The following VPS13D variants were observed in gnomAD, a reference collection of about 807,000 sequenced individuals.
VPS13D encodes vacuolar protein sorting 13 homolog D.
Under a neutral mutation model 461.9 loss-of-function variants are expected in VPS13D, and 187 were observed. That is an observed-to-expected ratio of 0.40 (90% confidence interval 0.36 to 0.46). VPS13D has a LOEUF of 0.46. Among genes scored for constraint, VPS13D ranks in the 20% least tolerant of loss-of-function variants. VPS13D has a pLI of 0.60. For synonymous variants in VPS13D, 1,951 were observed against 1,986.3 expected (o/e 0.98, Z 0.47); for missense variants, 4,711 against 5,364.9 (o/e 0.88, Z 3.81).
chr1:12,508,737 G>A (rs1272836782), intron 69 of VPS13D, among the ~76,000 whole-genome samples, 156 bp from the exon 70 acceptor site: 1 of 151,798 alleles, frequency 6.6e-6, no homozygotes, highest in African/African-American at 2.4e-5. Flanking sequence ...ACTTGTGAGT[G>A]CGAGTGAAGC....
chr1:12,464,111 C>T (rs1356553834), intron 67 of VPS13D, among the ~76,000 whole-genome samples: 3 of 152,160 alleles, frequency 2.0e-5, no homozygotes, highest in African/African-American at 2.4e-5. Context: ...ACACTATCAC[C>T]GAGGGATAAA....
intron 65 of VPS13D, among the ~76,000 whole-genome samples, chr1:12,447,262 T>C (rs1645204514): frequency 6.6e-6 from 1 of 152,214 alleles, no homozygotes; most frequent in Admixed American, 6.5e-5. Context: ...GCAAAAGTCA[T>C]GGTTGGGTTA....
At chr1:12,235,671 C>T (rs572258901) in intron 2 of VPS13D, among the ~76,000 whole-genome samples, 13 of 152,304 alleles carry the variant, frequency 8.5e-5, no homozygotes, top group South Asian at 4.1e-4. Flanking sequence ...GTCATGGTCA[C>T]GCCTCCCCAC....
At chr1:12,334,784 A>G (rs1016557424) in intron 38 of VPS13D, among the ~76,000 whole-genome samples, 3 of 152,162 alleles carry the variant, frequency 2.0e-5, no homozygotes, top group Non-Finnish European at 4.4e-5. Context: ...AACCAAACAA[A>G]AAATCTTCCA....
chr1:12,350,712 A>C (rs1319348097), intron 46 of VPS13D, among the ~76,000 whole-genome samples: 4 of 152,216 alleles, frequency 2.6e-5, no homozygotes, highest in African/African-American at 9.6e-5. Context: ...AAAAGGAAAC[A>C]ATAAAAATAT....
rs1641346768 is a variant in VPS13D at position 12,268,687 on chromosome 1, T to C, written c.1802-19T>C. 1 of 1,610,356 alleles carries C rather than the reference T, an allele frequency of 6.2e-7. No homozygotes were observed. The highest frequency in any genetic ancestry group is 1.7e-5 in the Admixed American group (1 of 58,820). ...GTTTTTGCCTTGTTCCGTGTTCTTA[T>C]TCCTGTTCTTTCCTTTAGCTGCAGA... On this transcript the variant is annotated intron_variant, in intron 15 of 69. Coordinates refer to ENST00000620676, the MANE Select transcript of VPS13D (RefSeq NM_015378.4).
At chr1:12,305,418 G>T (rs1039009911) in intron 26 of VPS13D, among the ~76,000 whole-genome samples, 1 of 152,054 alleles carries the variant, frequency 6.6e-6, no homozygotes, top group African/African-American at 2.4e-5. Flanking sequence ...GGGACTACAG[G>T]CATGTGTCAT....
At chr1:12,353,111 A>C (rs1413115321) in intron 46 of VPS13D, among the ~76,000 whole-genome samples, 1 of 152,006 alleles carries the variant, frequency 6.6e-6, no homozygotes, top group Non-Finnish European at 1.5e-5. Context: ...CCAATTGGCT[A>C]TCAAGAGGAT....
In VPS13D at chr1:12,368,608, A is replaced by G; in HGVS notation, c.10572+17A>G. On this transcript the variant is annotated intron_variant, in intron 53 of 69. Transcript: ENST00000620676. ...TTTTCTAAGGTATCAAGTGGAGCTG[A>G]GAGCCAGTTTGACTGTTTCATGTGT... 6.2e-7 allele frequency: 1 copy of G among 1,608,120 alleles called. No homozygotes were observed. The highest frequency in any genetic ancestry group is 8.5e-7 in the Non-Finnish European group (1 of 1,176,928).
At chr1:12,418,279 C>T (rs1269830861) in intron 65 of VPS13D, among the ~76,000 whole-genome samples, 1 of 152,210 alleles carries the variant, frequency 6.6e-6, no homozygotes, top group East Asian at 1.9e-4. Context: ...AAAGTCTGAA[C>T]TAGCGTGTAC....
chr1:12,497,484 C>G lies in VPS13D; in HGVS notation c.12663-16C>G. Reference sequence around the variant, plus strand: ...CACACTTAACCTCTTGGCTTTATGTCCATTTACCCATCTAGGACTCAAGCA... The same window carrying G: ...CACACTTAACCTCTTGGCTTTATGTGCATTTACCCATCTAGGACTCAAGCA... On this transcript the variant is annotated splice_polypyrimidine_tract_variant and intron_variant, in intron 67 of 69. Coordinates refer to ENST00000620676, the MANE Select transcript of VPS13D (RefSeq NM_015378.4). 6.2e-7 allele frequency: 1 copy of G among 1,605,728 alleles called. No homozygotes were observed. Among genetic ancestry groups the G allele is most frequent in the Non-Finnish European group, 8.5e-7 (1 of 1,175,724 alleles).
rs145587552 is a variant in VPS13D at position 12,498,399 on chromosome 1, C to T, written c.12794+768C>T. On this transcript the variant is annotated intron_variant, in intron 68 of 69. Transcript: ENST00000620676. ...TGGGTGGAGGAATGTCTGAAATAGA[C>T]GTCAACTGTCAGGATAGTCTTCAGA... is the stretch of plus-strand genomic sequence containing the variant. 2.2e-3 allele frequency among the ~76,000 whole-genome samples: 332 copies of T among 152,188 alleles called. 2 individuals carry two copies. Among genetic ancestry groups the T allele is most frequent in the African/African-American group, 7.6e-3 (315 of 41,536 alleles).
Position 12,285,990 on chromosome 1 carries a change from T to TTCCTCTCCTC in VPS13D, c.5635-2207_5635-2198dup, listed in dbSNP as rs1332549731. On this transcript the variant is annotated intron_variant, in intron 21 of 69. Transcript: ENST00000620676. ...TTCCTTTCCTTTCCTTTCCTTTCCT[T>TTCCTCTCCTC]TCCTCTCCTCTCCTCTCCTCTCCTC... is the stretch of plus-strand genomic sequence containing the variant. 3.3e-3 allele frequency among the ~76,000 whole-genome samples: 162 copies of TTCCTCTCCTC among 49,462 alleles called. 3 individuals are homozygous for TTCCTCTCCTC. The highest frequency in any genetic ancestry group is 5.1e-3 in the African/African-American group (65 of 12,840). The allele number at this position is 49,462 out of a possible 152,430, so 32.4% of individuals were successfully genotyped here.
At chr1:12,497,728 A>G in intron 68 of VPS13D, 97 bp downstream of exon 68, 2 of 1,414,748 alleles carry the variant, frequency 1.4e-6, no homozygotes, top group Non-Finnish European at 1.9e-6. Flanking sequence ...TATTTTCATG[A>G]CTCTTGGACC....
chr1:12,261,820 A>G (rs1641117954), intron 12 of VPS13D, 81 bp from the exon 13 acceptor site: 4 of 1,213,528 alleles, frequency 3.3e-6, no homozygotes, highest in Admixed American at 2.3e-5. Flanking sequence ...TAACATCATC[A>G]TAACTGTGAT....
rs770801713 is a variant in VPS13D, at chr1:12,279,601, G to C, written c.4553G>C (p.Gly1518Ala). Reference protein sequence around the residue: ...LTFSLSPDDLGTSSIMKIEGK... With the variant: ...LTFSLSPDDLATSSIMKIEGK... ...TTTTCTCTTAGCCCAGATGACCTGG[G>C]AACTTCTAGCATCATGAAGATTGAA... is the stretch of plus-strand genomic sequence containing the variant. The change falls in exon 20 of 70, where the codon GGA becomes GCA. Residue 1518 changes from glycine (G) to alanine (A), a missense_variant. Physicochemically the swap from Gly to Ala is moderately conservative, Grantham distance 60 (BLOSUM62 0). Around this residue, in one of 3 missense-constraint regions of VPS13D, gnomAD observed 4,411 missense variants for 4,937.8 expected, o/e 0.89. Transcript: ENST00000620676. The surrounding 1 kb of genome is among the most constrained non-coding windows in gnomAD (Gnocchi z 4.3). 6 of 1,613,256 alleles carry C rather than the reference G, an allele frequency of 3.7e-6. No individual in the cohort carries two copies. The highest frequency in any genetic ancestry group is 4.2e-6 in the Non-Finnish European group (5 of 1,179,434).
In VPS13D at chr1:12,403,817, T is replaced by C. The variant is rs144848289; in HGVS notation, c.11882-8T>C. The C allele has an allele frequency of 2.8e-3, 4,420 of 1,574,900 alleles. 8 individuals are homozygous for C. The highest frequency in any genetic ancestry group is 3.5e-3 in the Non-Finnish European group (4,031 of 1,164,156). On this transcript the variant is annotated splice_region_variant and splice_polypyrimidine_tract_variant and intron_variant, in intron 62 of 69. Coordinates refer to ENST00000620676, the MANE Select transcript of VPS13D (RefSeq NM_015378.4). ...TTTTTTGTTTTTTTAATTCTTCCTT[T>C]GTACCAGAGGTGGAAAAATATGATG...
At chr1:12,327,220 C>T (rs943016630) in intron 35 of VPS13D, among the ~76,000 whole-genome samples, 4 of 152,094 alleles carry the variant, frequency 2.6e-5, no homozygotes, top group African/African-American at 9.7e-5. Context: ...GCTCTGGAGC[C>T]CATGCCCTCG....
chr1:12,292,462 C>T (rs1450519828), intron 23 of VPS13D, among the ~76,000 whole-genome samples: 7 of 109,402 alleles, frequency 6.4e-5, no homozygotes, highest in Non-Finnish European at 1.2e-4. Flanking sequence ...TTTTTTGAGA[C>T]GAGGTCTCGC....
Sources: gnomAD v4.1 joint callset for allele counts (sites outside exome capture counted in the v4.1 genomes callset) on GRCh38, gnomAD v4.1.1 for gene constraint, gnomAD v4.1.1 regional missense constraint, Gnocchi (gnomAD v3.1) non-coding constraint, MANE v1.5 for transcripts, NCBI Gene and HGNC (gene_info 2026-07-23, HGNC 2026-07-21) for gene names.